Variants in MTCL2 observed in about 807,000 individuals in gnomAD.
MTCL2 encodes microtubule cross-linking factor 2.
At chr20:36,817,328 A>G in the MTCL2 span, 2 of 1,307,400 alleles carry the variant, frequency 1.5e-6, no homozygotes, top group Non-Finnish European at 2.1e-6. Flanking sequence ...ACAGGGCAGA[A>G]TCTGGGATCC....
chr20:36,818,859 G>T, the MTCL2 span, among the ~76,000 whole-genome samples: 1 of 152,186 alleles, frequency 6.6e-6, no homozygotes, highest in Non-Finnish European at 1.5e-5. Context: ...AGACCTGTAG[G>T]AAAATAGGCT....
At chr20:36,860,462 A>G in the MTCL2 span, among the ~76,000 whole-genome samples, 1 of 152,156 alleles carries the variant, frequency 6.6e-6, no homozygotes, top group Admixed American at 6.6e-5. Context: ...GCCCTAGCAC[A>G]CGGCAGGTTC....
chr20:36,811,747 T>C, the MTCL2 span, among the ~76,000 whole-genome samples: 3 of 152,230 alleles, frequency 2.0e-5, no homozygotes, highest in Non-Finnish European at 4.4e-5. Flanking sequence ...TTAGAGAGTC[T>C]GATCCATCAG....
At chr20:36,858,867 T>A in the MTCL2 span, among the ~76,000 whole-genome samples, 4 of 152,158 alleles carry the variant, frequency 2.6e-5, no homozygotes, top group Non-Finnish European at 5.9e-5. Flanking sequence ...CTCGGATCAC[T>A]GCAACTTCTG....
the MTCL2 span, chr20:36,863,323 G>T: frequency 1.7e-6 from 2 of 1,179,306 alleles, no homozygotes; most frequent in Non-Finnish European, 2.1e-6. This position sits in a 1 kb window ranked among gnomAD's most constrained non-coding sequence, Gnocchi z 6.2. Context: ...CGGACCGGGG[G>T]CTCGGCCGCC....
At chr20:36,862,681 G>T in the MTCL2 span, 1 of 1,499,316 alleles carries the variant, frequency 6.7e-7, no homozygotes, top group Non-Finnish European at 8.9e-7. Flanking sequence ...TTCTCCGAGC[G>T]CAGCTCCTCC....
chr20:36,787,629 T>C, the MTCL2 span, among the ~76,000 whole-genome samples: 1 of 151,990 alleles, frequency 6.6e-6, no homozygotes, highest in Non-Finnish European at 1.5e-5. Flanking sequence ...GGCTCATGCC[T>C]GTAATCCTAG....
At chr20:36,812,839 A>G in the MTCL2 span, 21 of 1,611,244 alleles carry the variant, frequency 1.3e-5, no homozygotes, top group Non-Finnish European at 1.7e-5. Context: ...CCCTGAAGTC[A>G]GGTGGCTGCA....
At chr20:36,803,095 T>A in the MTCL2 span, 2 of 1,603,638 alleles carry the variant, frequency 1.2e-6, no homozygotes, top group Non-Finnish European at 1.7e-6. Flanking sequence ...CCCTTCCCTG[T>A]CTTCAGCTCC....
chr20:36,836,988 G>A, the MTCL2 span, among the ~76,000 whole-genome samples: 1 of 152,206 alleles, frequency 6.6e-6, no homozygotes, highest in Admixed American at 6.5e-5. Flanking sequence ...CCACTGGAAA[G>A]GCTATAGGGC....
chr20:36,810,168 A>G, the MTCL2 span: 1 of 1,525,308 alleles, frequency 6.6e-7, no homozygotes, highest in South Asian at 1.2e-5. Context: ...AGTGGATAGA[A>G]ATTGTGATCT....
the MTCL2 span, chr20:36,812,668 C>T: frequency 1.9e-6 from 3 of 1,607,608 alleles, no homozygotes; most frequent in African/African-American, 1.3e-5. Flanking sequence ...CACTCTCCTC[C>T]TACCCAATCC....
chr20:36,833,435 C>A, the MTCL2 span, among the ~76,000 whole-genome samples: 1 of 152,248 alleles, frequency 6.6e-6, no homozygotes, highest in African/African-American at 2.4e-5. Flanking sequence ...AGCGCTAGGG[C>A]CTGGCTCCTG....
the MTCL2 span, chr20:36,816,234 G>A: frequency 1.2e-6 from 2 of 1,612,814 alleles, no homozygotes; most frequent in Non-Finnish European, 8.5e-7. Flanking sequence ...GGCAAGCTTA[G>A]TGAGCTTCTT....
At chr20:36,803,793 T>A in the MTCL2 span, among the ~76,000 whole-genome samples, 8 of 151,670 alleles carry the variant, frequency 5.3e-5, no homozygotes, top group African/African-American at 1.9e-4. Flanking sequence ...CCATCTCTAC[T>A]AAAAATACAA....
chr20:36,798,182 G>C, the MTCL2 span, among the ~76,000 whole-genome samples: 11 of 151,816 alleles, frequency 7.2e-5, no homozygotes, highest in African/African-American at 2.7e-4. Flanking sequence ...CAATTCTCCT[G>C]CCTCAGCCTC....
the MTCL2 span, among the ~76,000 whole-genome samples, chr20:36,792,897 CAGAT>C: frequency 3.8e-3 from 544 of 143,020 alleles, 3 homozygotes; most frequent in South Asian, 0.042. Flanking sequence ...GACAGACAGA[CAGAT>C]AGATAATTTT....
the MTCL2 span, among the ~76,000 whole-genome samples, chr20:36,845,414 T>C: frequency 6.6e-6 from 1 of 152,246 alleles, no homozygotes; most frequent in African/African-American, 2.4e-5. Context: ...CACAGTCAAT[T>C]TGTGACAGCC....
chr20:36,801,616 T>C, the MTCL2 span, among the ~76,000 whole-genome samples: 114 of 152,064 alleles, frequency 7.5e-4, no homozygotes, highest in East Asian at 0.019. Context: ...GGCTGAAATG[T>C]ACCTTTGTAA....
Sources: allele counts gnomAD v4.1 joint callset (sites outside exome capture counted in the v4.1 genomes callset), GRCh38; gene constraint gnomAD v4.1.1; non-coding constraint Gnocchi (gnomAD v3.1); transcripts MANE v1.5; gene names NCBI Gene and HGNC (gene_info 2026-07-23, HGNC 2026-07-21).